The following BIRC6 variants were observed in gnomAD, a reference collection of about 807,000 sequenced individuals.
The protein encoded by BIRC6 is baculoviral IAP repeat containing 6, also known as dual E2 ubiquitin-conjugating enzyme/E3 ubiquitin-protein ligase BIRC6.
In BIRC6, 98 loss-of-function variants were observed where a neutral mutation model predicts 503.3. The observed-to-expected ratio is 0.19, with a 90% CI of 0.17 to 0.23. BIRC6 has a LOEUF of 0.23. BIRC6 is among the 10% of genes least tolerant of loss of function. The pLI, the probability that BIRC6 is intolerant of heterozygous loss-of-function variation, is 1.00. For missense variants in BIRC6, 5,360 were observed against 5,806.0 expected (o/e 0.92, Z 2.50); for synonymous variants, 2,240 against 2,078.7 (o/e 1.08, Z -2.11).
intron 15 of BIRC6, among the ~76,000 whole-genome samples, chr2:32,438,526 C>T (rs1296276444): frequency 6.6e-6 from 1 of 150,726 alleles, no homozygotes; most frequent in Non-Finnish European, 1.5e-5. Context: ...TGGTTAATAT[C>T]ACATACTAGT....
intron 10 of BIRC6, among the ~76,000 whole-genome samples, chr2:32,419,016 A>T (rs1253592241): frequency 6.6e-6 from 1 of 152,238 alleles, no homozygotes; most frequent in African/African-American, 2.4e-5. Context: ...TACAGTCCGG[A>T]ATTCCTAGAA....
intron 9 of BIRC6, among the ~76,000 whole-genome samples, chr2:32,408,914 C>T (rs2041546707): frequency 6.6e-6 from 1 of 152,052 alleles, no homozygotes; most frequent in South Asian, 2.1e-4. Context: ...ATCTTCTAAA[C>T]TAATTTTGTT....
Position 32,464,713 on chromosome 2 carries a change from G to T in BIRC6, c.5146G>T (p.Val1716Phe). The change falls in exon 25 of 74, where the codon GTT (valine) becomes TTT (phenylalanine). Residue 1716 changes from valine to phenylalanine, a missense_variant. Physicochemically the swap from Val to Phe is conservative, Grantham distance 50 (BLOSUM62 -1). Coordinates refer to ENST00000421745, the MANE Select transcript of BIRC6 (RefSeq NM_016252.4). The stretch of plus-strand genomic sequence containing the variant: ...ACCACTCACTCCACCCAATGAAGCA[G>T]TTTCCGTTGTGATTAATGCCGAACT... ...TPPLTPPNEAVSVVINAELAQ... is the reference protein window; with the variant it reads ...TPPLTPPNEAFSVVINAELAQ... The T allele has an allele frequency of 1.2e-6, 2 of 1,613,952 alleles. No individual in the cohort carries two copies. The highest frequency in any genetic ancestry group is 1.7e-6 in the Non-Finnish European group (2 of 1,179,866).
At chr2:32,422,803 A>G (rs1558682320) in intron 10 of BIRC6, among the ~76,000 whole-genome samples, 2 of 152,100 alleles carry the variant, frequency 1.3e-5, no homozygotes, top group Admixed American at 6.6e-5. Flanking sequence ...TTTCACTTAT[A>G]CTTAGTACTC....
Position 32,491,530 on chromosome 2 carries a change from C to T in BIRC6, c.8312C>T (p.Pro2771Leu). ...VLVKFLSGTS[P>L]HGTNQHSPQV... ...GTGAAATTTCTTTCTGGCACCAGTC[C>T]ACATGGAACAAATCAACACAGTCCA... Residue 2771 changes from proline (P) to leucine (L), a missense_variant, in exon 44 of 74, where the codon CCA becomes CTA. This residue lies in a region of BIRC6 where 2,299 missense variants were observed against 2,267.2 expected (regional missense o/e 1.01). Coordinates refer to ENST00000421745, the MANE Select transcript of BIRC6 (RefSeq NM_016252.4). 1.2e-6 allele frequency: 2 copies of T among 1,613,494 alleles called. No homozygotes were observed. Among genetic ancestry groups the T allele is most frequent in the Non-Finnish European group, 1.7e-6 (2 of 1,179,652 alleles).
chr2:32,603,145 A>G lies in BIRC6; in HGVS notation c.14070+62A>G, dbSNP rs181156810. The G allele has an allele frequency of 2.3e-6, 3 of 1,304,188 alleles. No individual in the cohort carries two copies. The East Asian group carries it at 7.1e-5, about 31-fold the overall frequency. The allele number at this position is 1,304,188 out of a possible 1,614,324, so 80.8% of individuals were successfully genotyped here. On this transcript the variant is annotated intron_variant, in intron 71 of 73. Coordinates refer to ENST00000421745, the MANE Select transcript of BIRC6 (RefSeq NM_016252.4). ...TAAAGAACTGTGTAGTATTTTAAAA[A>G]ATTTTTAGTGACCAAGAATAAATAT...
rs542327618 is a variant in BIRC6 at position 32,547,617 on chromosome 2, G to A, written c.12811-233G>A. Among the ~76,000 whole-genome samples the A allele has an allele frequency of 5.1e-4, 78 of 152,094 alleles. 1 individual carries two copies. In the South Asian group the frequency reaches 0.016, roughly 31 times the overall value. ...GGCATCTAGGCTATTTTCATCTTTT[G>A]TTTTAAATGGTGCTGCTGTAAACGT... On this transcript the variant is annotated intron_variant, in intron 63 of 73. Transcript: ENST00000421745.
chr2:32,540,135 C>T (rs902142361), intron 61 of BIRC6, among the ~76,000 whole-genome samples: 27 of 152,014 alleles, frequency 1.8e-4, no homozygotes, highest in Non-Finnish European at 3.2e-4. Context: ...TGTAATCAAA[C>T]ATACAGAATT....
chr2:32,395,067 G>A (rs1456742541), intron 5 of BIRC6, among the ~76,000 whole-genome samples: 3 of 152,128 alleles, frequency 2.0e-5, no homozygotes, highest in Non-Finnish European at 2.9e-5. Context: ...CAGGATAATC[G>A]CTTGAACCCG....
chr2:32,487,860 G>A, intron 41 of BIRC6, 59 bp downstream of exon 41: 1 of 1,417,128 alleles, frequency 7.1e-7, no homozygotes, highest in Non-Finnish European at 9.8e-7. Context: ...GGTAAAAGAT[G>A]AAACTAATTG....
At chr2:32,558,538 A>C (rs2058939549) in intron 65 of BIRC6, 2 of 152,212 alleles carry the variant, frequency 1.3e-5, no homozygotes, top group African/African-American at 2.4e-5. Flanking sequence ...AGCAGAGTTT[A>C]TCTCTTAATA....
intron 59 of BIRC6, among the ~76,000 whole-genome samples, 189 bp downstream of exon 59, chr2:32,525,817 C>G (rs1322482756): frequency 1.3e-5 from 2 of 152,078 alleles, no homozygotes; most frequent in Non-Finnish European, 2.9e-5. Flanking sequence ...ATTACGTATC[C>G]TTTTTAACAC....
At position 32,415,124 on chromosome 2, in the gene BIRC6, A is replaced by T; in HGVS notation, c.1833A>T (p.Glu611Asp). The part of the protein sequence containing the change: ...SISEQGSTDN[E>D]SCTNSELNSP... ...CAGAACAAGGGTCAACTGACAATGA[A>T]TCCTGCACTAATTCAGAACTAAATT... is the stretch of plus-strand genomic sequence containing the variant. Residue 611 changes from glutamate (E) to aspartate (D), a missense_variant, in exon 10 of 74, where the codon GAA becomes GAT. This residue lies in a region of BIRC6 where 700 missense variants were observed against 739.3 expected (regional missense o/e 0.95). Coordinates refer to ENST00000421745, the MANE Select transcript of BIRC6 (RefSeq NM_016252.4). 11 of 1,614,002 alleles carry T rather than the reference A, an allele frequency of 6.8e-6. No individual in the cohort carries two copies. Among genetic ancestry groups the T allele is most frequent in the Non-Finnish European group, 9.3e-6 (11 of 1,179,880 alleles).
intron 66 of BIRC6, among the ~76,000 whole-genome samples, 172 bp downstream of exon 66, chr2:32,575,538 A>C (rs2060206960): frequency 6.6e-6 from 1 of 152,076 alleles, no homozygotes; most frequent in South Asian, 2.1e-4. Flanking sequence ...GCCGAGGTGG[A>C]TGGATCACGA....
At chr2:32,366,969 G>A (rs977516351) in intron 1 of BIRC6, among the ~76,000 whole-genome samples, 1 of 152,036 alleles carries the variant, frequency 6.6e-6, no homozygotes, top group African/African-American at 2.4e-5. Flanking sequence ...GGAGAAAGGG[G>A]CTTTTAATAC....
chr2:32,371,774 C>G (rs1173090473), intron 1 of BIRC6, among the ~76,000 whole-genome samples: 1 of 151,952 alleles, frequency 6.6e-6, no homozygotes, highest in Non-Finnish European at 1.5e-5. Context: ...AGTTAATAGG[C>G]TATTGCTCCA....
At chr2:32,394,611 C>T (rs541771049) in intron 5 of BIRC6, among the ~76,000 whole-genome samples, 3 of 152,064 alleles carry the variant, frequency 2.0e-5, no homozygotes, top group Non-Finnish European at 2.9e-5. Flanking sequence ...GCAGGAGGAT[C>T]GCTTAAGCCC....
intron 73 of BIRC6, among the ~76,000 whole-genome samples, chr2:32,612,716 A>G (rs2062963788): frequency 1.3e-5 from 2 of 152,212 alleles, no homozygotes; most frequent in Admixed American, 1.3e-4. Flanking sequence ...AAGATGGGCC[A>G]TGAGTTGATA....
chr2:32,492,874 C>A (rs1237144110), intron 44 of BIRC6, among the ~76,000 whole-genome samples: 3 of 151,862 alleles, frequency 2.0e-5, no homozygotes, highest in Admixed American at 1.3e-4. Flanking sequence ...CAGAACTACT[C>A]CAAGGTTTTA....
Sources: allele counts gnomAD v4.1 joint callset (sites outside exome capture counted in the v4.1 genomes callset), GRCh38; gene constraint gnomAD v4.1.1; regional missense constraint gnomAD v4.1.1; transcripts MANE v1.5; gene names NCBI Gene and HGNC (gene_info 2026-07-23, HGNC 2026-07-21).